Variants in SLC17A8 observed in about 807,000 individuals in gnomAD.
SLC17A8 encodes vesicular glutamate transporter 3.
Under a neutral mutation model 58.0 loss-of-function variants are expected in SLC17A8, and 31 were observed. The observed-to-expected ratio is 0.53, with a 90% CI of 0.40 to 0.72. The LOEUF is 0.72. Ranked by LOEUF, SLC17A8 falls within the 30% of genes least tolerant of loss-of-function variation. SLC17A8 has a pLI of 0.00. For missense variants in SLC17A8, 655 were observed against 727.8 expected (o/e 0.90, Z 1.15); for synonymous variants, 228 against 249.0 (o/e 0.92, Z 0.79).
chr12:100,360,858 G>T (rs940368785), intron 1 of SLC17A8, among the ~76,000 whole-genome samples: 2 of 152,216 alleles, frequency 1.3e-5, no homozygotes, highest in Non-Finnish European at 2.9e-5. Flanking sequence ...GCTGTCAAGT[G>T]TGGGCTATTC....
intron 1 of SLC17A8, among the ~76,000 whole-genome samples, chr12:100,363,558 G>A (rs747246132): frequency 8.6e-5 from 13 of 152,034 alleles, no homozygotes; most frequent in Non-Finnish European, 1.5e-4. Context: ...TAGAGATGGG[G>A]TTTCGGTATG....
chr12:100,377,585 ATTTTTTTTT>A (rs35397911), intron 1 of SLC17A8, among the ~76,000 whole-genome samples: 4 of 84,030 alleles, frequency 4.8e-5, no homozygotes, highest in African/African-American at 2.0e-4. Flanking sequence ...ATATATATAT[ATTTTTTTTT>A]TTTTTTTTTT....
At chr12:100,414,474 A>T (rs1291823200) in intron 10 of SLC17A8, among the ~76,000 whole-genome samples, 1 of 152,250 alleles carries the variant, frequency 6.6e-6, no homozygotes, top group Non-Finnish European at 1.5e-5. Context: ...TTGCTAAATT[A>T]TGAAAACTCT....
At chr12:100,399,205 T>C (rs1422211174) in intron 5 of SLC17A8, among the ~76,000 whole-genome samples, 1 of 152,124 alleles carries the variant, frequency 6.6e-6, no homozygotes, top group African/African-American at 2.4e-5. Context: ...CTTCTTTGCA[T>C]ACCATTCAAC....
At chr12:100,414,451 T>C (rs527555400) in intron 10 of SLC17A8, among the ~76,000 whole-genome samples, 1 of 152,336 alleles carries the variant, frequency 6.6e-6, no homozygotes, top group Non-Finnish European at 1.5e-5. Context: ...TTACTATTTA[T>C]AAAATAAAAA....
intron 2 of SLC17A8, among the ~76,000 whole-genome samples, chr12:100,383,349 G>T (rs1273902621): frequency 6.6e-6 from 1 of 152,180 alleles, no homozygotes; most frequent in African/African-American, 2.4e-5. Context: ...CTGAAATATG[G>T]TTTAAATTTT....
At chr12:100,382,835 G>T (rs1352151742) in intron 2 of SLC17A8, among the ~76,000 whole-genome samples, 1 of 152,162 alleles carries the variant, frequency 6.6e-6, no homozygotes. Context: ...GAGAAAATTT[G>T]ATTTCAATCT....
Position 100,418,054 on chromosome 12 carries a change from T to A in SLC17A8, c.1323T>A (p.Ile441=). Reference sequence around the variant, plus strand: ...GTTTTAATGTCAACCACCTGGACATTGCCCCACGCTATGCCAGCATTCTCA... The same window carrying A: ...GTTTTAATGTCAACCACCTGGACATAGCCCCACGCTATGCCAGCATTCTCA... ...ISGFNVNHLD[I]APRYASILMG... The change falls in exon 11 of 12, where the codon ATT becomes ATA. Residue 441 remains isoleucine (I), a synonymous_variant. Transcript: ENST00000323346. 6.2e-7 allele frequency: 1 copy of A among 1,614,198 alleles called. No homozygotes were observed. The highest frequency in any genetic ancestry group is 8.5e-7 in the Non-Finnish European group (1 of 1,180,028).
intron 5 of SLC17A8, among the ~76,000 whole-genome samples, chr12:100,397,594 G>A (rs368793105): frequency 1.1e-4 from 16 of 152,096 alleles, no homozygotes; most frequent in East Asian, 1.9e-4. Context: ...AGCACATGCC[G>A]CTGCCATCAA....
At chr12:100,379,583 T>C (rs1034162799) in intron 1 of SLC17A8, among the ~76,000 whole-genome samples, 3 of 152,140 alleles carry the variant, frequency 2.0e-5, no homozygotes, top group Non-Finnish European at 2.9e-5. Context: ...CAAGCTTTAA[T>C]TATTTTTAAA....
chr12:100,372,825 A>G (rs944083934), intron 1 of SLC17A8, among the ~76,000 whole-genome samples: 9 of 152,274 alleles, frequency 5.9e-5, no homozygotes, highest in Middle Eastern at 3.4e-3. Context: ...TCAGCGTCCC[A>G]AACTGCTAGG....
At chr12:100,415,781 T>C (rs61941790) in intron 10 of SLC17A8, among the ~76,000 whole-genome samples, 13,562 of 152,258 alleles carry the variant, frequency 0.089, 768 homozygotes, top group South Asian at 0.18. Flanking sequence ...GCAACCTTGA[T>C]GAGAAAGGTA....
chr12:100,375,140 C>G (rs371175572), intron 1 of SLC17A8, among the ~76,000 whole-genome samples: 1 of 149,774 alleles, frequency 6.7e-6, no homozygotes, highest in Non-Finnish European at 1.5e-5. Flanking sequence ...TCGGCACATA[C>G]GAGATATGGT....
At position 100,420,330 on chromosome 12, in the gene SLC17A8, G is replaced by C; in HGVS notation, c.*171G>C. ...TCTTTCAATGACATGTATAGGTAAG[G>C]AGCTGCGCTCAGTTGATAACATAGT... On this transcript the variant is annotated 3_prime_UTR_variant, in exon 12 of 12. Coordinates refer to ENST00000323346, the MANE Select transcript of SLC17A8 (RefSeq NM_139319.3). The C allele has an allele frequency of 1.6e-6, 1 of 616,212 alleles. No homozygotes were observed. The highest frequency in any genetic ancestry group is 2.9e-6 in the Non-Finnish European group (1 of 349,316). 38.2% of individuals were successfully genotyped at this position (616,212 alleles called of 1,614,324 possible).
chr12:100,404,138 C>T lies in SLC17A8; in HGVS notation c.1154C>T (p.Thr385Ile), dbSNP rs761985680. 6.2e-7 allele frequency: 1 copy of T among 1,614,192 alleles called. No homozygotes were observed. The highest frequency in any genetic ancestry group is 8.5e-7 in the Non-Finnish European group (1 of 1,180,032). Residue 385 changes from threonine (T) to isoleucine (I), a missense_variant, in exon 9 of 12, where the codon ACA becomes ATA. By Grantham distance (89) the Thr-to-Ile change is moderately conservative (BLOSUM62 -1). Transcript: ENST00000323346. ...DYLRSRQILT[T>I]TAVRKIMNCG... ...TTAAGAAGCAGACAAATTTTAACCA[C>T]AACTGCTGTCAGAAAAATCATGAAC...
intron 8 of SLC17A8, 62 bp downstream of exon 8, chr12:100,402,807 A>G: frequency 6.8e-7 from 1 of 1,469,394 alleles, no homozygotes; most frequent in South Asian, 1.2e-5. Flanking sequence ...ACAGAGAATA[A>G]CTTTGTATGA....
At chr12:100,407,160 A>G (rs1952831944) in intron 9 of SLC17A8, among the ~76,000 whole-genome samples, 1 of 152,200 alleles carries the variant, frequency 6.6e-6, no homozygotes, top group African/African-American at 2.4e-5. Flanking sequence ...TATGTTCAAG[A>G]CACAAAAAAC....
chr12:100,415,232 G>A (rs549963667), intron 10 of SLC17A8, among the ~76,000 whole-genome samples: 5 of 151,982 alleles, frequency 3.3e-5, no homozygotes, highest in Non-Finnish European at 5.9e-5. Flanking sequence ...TTGGGAGGCC[G>A]AGGCAGATGG....
At chr12:100,370,692 T>C (rs1952553310) in intron 1 of SLC17A8, among the ~76,000 whole-genome samples, 2 of 151,732 alleles carry the variant, frequency 1.3e-5, no homozygotes, top group South Asian at 4.1e-4. Context: ...GGGCCACATA[T>C]GGCCATTGGG....
Sources: gnomAD v4.1 joint callset for allele counts (sites outside exome capture counted in the v4.1 genomes callset) on GRCh38, gnomAD v4.1.1 for gene constraint, MANE v1.5 for transcripts, NCBI Gene and HGNC (gene_info 2026-07-23, HGNC 2026-07-21) for gene names.